The following COL26A1 variants were observed in gnomAD, a reference collection of about 807,000 sequenced individuals.
COL26A1 encodes collagen type XXVI alpha 1 chain.
A neutral mutation model predicts 59.3 loss-of-function variants in COL26A1; 41 were observed. That is an observed-to-expected ratio of 0.69 (90% CI 0.54 to 0.90). The LOEUF (loss-of-function observed/expected upper bound fraction) is 0.90. Ranked by LOEUF, COL26A1 falls within the 40% of genes least tolerant of loss-of-function variation. COL26A1 has a pLI of 0.00. For missense variants in COL26A1, 612 were observed against 602.3 expected (o/e 1.02, Z -0.17); for synonymous variants, 266 against 256.0 (o/e 1.04, Z -0.37).
At chr7:101,442,893 G>GCACGAGTGTGCA (rs1308540198) in intron 2 of COL26A1, among the ~76,000 whole-genome samples, 1 of 152,154 alleles carries the variant, frequency 6.6e-6, no homozygotes, top group South Asian at 2.1e-4. Context: ...GAGTGTGCAA[G>GCACGAGTGTGCA]CACGAGTGTG....
chr7:101,471,571 G>GTTGT (rs1793903750), intron 3 of COL26A1, among the ~76,000 whole-genome samples: 1 of 92,968 alleles, frequency 1.1e-5, no homozygotes, highest in African/African-American at 3.9e-5. Context: ...GTTGTTGTTT[G>GTTGT]TTTTTTTTTT....
intron 1 of COL26A1, among the ~76,000 whole-genome samples, chr7:101,401,383 C>T (rs971746002): frequency 1.3e-5 from 2 of 151,724 alleles, no homozygotes; most frequent in African/African-American, 2.4e-5. Flanking sequence ...CAGCTCTAAT[C>T]CTGCCAGGAG....
At chr7:101,387,823 G>A (rs1259627326) in intron 1 of COL26A1, among the ~76,000 whole-genome samples, 2 of 141,454 alleles carry the variant, frequency 1.4e-5, no homozygotes, top group Non-Finnish European at 3.0e-5. Context: ...AGGCTGGAGT[G>A]CAGTGGTGCA....
intron 3 of COL26A1, among the ~76,000 whole-genome samples, chr7:101,492,108 G>A (rs1278571207): frequency 6.6e-6 from 1 of 152,132 alleles, no homozygotes; most frequent in Non-Finnish European, 1.5e-5. Flanking sequence ...AGAGGAAGCC[G>A]CTGGTAAGCC....
intron 2 of COL26A1, among the ~76,000 whole-genome samples, chr7:101,425,658 G>A (rs1355235275): frequency 8.6e-6 from 1 of 116,736 alleles, no homozygotes; most frequent in Non-Finnish European, 2.0e-5. Flanking sequence ...CAGGACACCT[G>A]GCTAATTTTT....
intron 3 of COL26A1, among the ~76,000 whole-genome samples, chr7:101,512,061 A>T (rs767852147): frequency 1.1e-4 from 17 of 152,192 alleles, no homozygotes; most frequent in Non-Finnish European, 2.2e-4. Context: ...AATGTGCTCT[A>T]GGTGCCCCAG....
At chr7:101,509,974 A>C (rs1162900250) in intron 3 of COL26A1, among the ~76,000 whole-genome samples, 11 of 149,558 alleles carry the variant, frequency 7.4e-5, no homozygotes, top group Non-Finnish European at 1.6e-4. Context: ...GTGATCTGCC[A>C]ATCTCAGCCT....
chr7:101,402,555 TTTTC>T (rs146569482), intron 1 of COL26A1, among the ~76,000 whole-genome samples: 4,353 of 151,364 alleles, frequency 0.029, 86 homozygotes, highest in East Asian at 0.063. Flanking sequence ...TTCTTTCTCT[TTTTC>T]TTTCTTTCTT....
intron 3 of COL26A1, among the ~76,000 whole-genome samples, chr7:101,502,773 C>T (rs1794732420): frequency 6.6e-6 from 1 of 152,212 alleles, no homozygotes. Context: ...GGACGCATGC[C>T]CCCCTCTTGT....
rs770362336 is a variant in COL26A1, at chr7:101,555,913, C to T, written c.1165+42C>T. The T allele has an allele frequency of 2.1e-5, 31 of 1,506,070 alleles. 1 individual carries two copies. Among genetic ancestry groups the T allele is most frequent in the South Asian group, 1.2e-4 (10 of 83,156 alleles). The allele number at this position is 1,506,070 out of a possible 1,614,324, so 93.3% of individuals were successfully genotyped here. ...ATCAGCGGGCTGGGAATCTCTCTCC[C>T]CTCCTTCCTCTCCCAATGCTGCCCT... On this transcript the variant is annotated intron_variant, in intron 12 of 12. Coordinates refer to ENST00000313669, the MANE Select transcript of COL26A1 (RefSeq NM_001278563.3).
chr7:101,488,520 T>C (rs62464345), intron 3 of COL26A1, among the ~76,000 whole-genome samples: 40,319 of 149,086 alleles, frequency 0.27, 6,952 homozygotes, highest in African/African-American at 0.5. Context: ...GGATTATAGG[T>C]GCCCGCCACC....
intron 3 of COL26A1, among the ~76,000 whole-genome samples, chr7:101,471,564 G>GTTTTTTTTTTTTTTTT: frequency 7.8e-6 from 1 of 129,014 alleles, no homozygotes; most frequent in African/African-American, 3.1e-5. Context: ...TGTTGTTGTT[G>GTTTTTTTTTTTTTTTT]TTGTTTGTTT....
At chr7:101,527,813 G>A (rs1402605386) in intron 3 of COL26A1, among the ~76,000 whole-genome samples, 1 of 152,058 alleles carries the variant, frequency 6.6e-6, no homozygotes, top group East Asian at 1.9e-4. Context: ...TGTTCTCGGA[G>A]GGGCCAGGCA....
intron 4 of COL26A1, among the ~76,000 whole-genome samples, chr7:101,539,294 A>ATGTGTG (rs769498284): frequency 2.9e-5 from 4 of 135,854 alleles, no homozygotes; most frequent in Non-Finnish European, 4.9e-5. Flanking sequence ...GTGTGTGTGT[A>ATGTGTG]TGTGTGTGTG....
At chr7:101,453,620 ACT>A (rs1392134961) in intron 3 of COL26A1, among the ~76,000 whole-genome samples, 78 of 151,584 alleles carry the variant, frequency 5.1e-4, no homozygotes, top group Admixed American at 5.1e-3. Context: ...GGGTTAAGTG[ACT>A]CTTCTAGCTG....
intron 5 of COL26A1, among the ~76,000 whole-genome samples, chr7:101,543,795 A>G (rs1430879657): frequency 3.9e-5 from 6 of 152,342 alleles, no homozygotes; most frequent in African/African-American, 9.6e-5. Flanking sequence ...TCTTAGAATC[A>G]TAGATGTTTG....
At chr7:101,465,708 A>AAG (rs1562994443) in intron 3 of COL26A1, among the ~76,000 whole-genome samples, 1 of 150,078 alleles carries the variant, frequency 6.7e-6, no homozygotes, top group Non-Finnish European at 1.5e-5. Flanking sequence ...AAAAAAAAAA[A>AAG]AAAAGAAAAG....
intron 3 of COL26A1, among the ~76,000 whole-genome samples, chr7:101,513,075 T>C (rs1794959625): frequency 6.6e-6 from 1 of 151,998 alleles, no homozygotes; most frequent in South Asian, 2.1e-4. Flanking sequence ...GGCATGATTT[T>C]GGCTCACTGC....
At chr7:101,506,936 T>C (rs926227459) in intron 3 of COL26A1, among the ~76,000 whole-genome samples, 1 of 151,754 alleles carries the variant, frequency 6.6e-6, no homozygotes, top group Non-Finnish European at 1.5e-5. Context: ...TCCTTTTTTT[T>C]TTCCCCCTCA....
Sources: gnomAD v4.1 joint callset for allele counts (sites outside exome capture counted in the v4.1 genomes callset) on GRCh38, gnomAD v4.1.1 for gene constraint, MANE v1.5 for transcripts, NCBI Gene and HGNC (gene_info 2026-07-23, HGNC 2026-07-21) for gene names.